Variants in SYBU observed in about 807,000 individuals in gnomAD.
The protein encoded by SYBU is GOLSYN A protein.
SYBU carries 21 observed loss-of-function variants against 35.9 expected under a neutral mutation model. The observed-to-expected ratio is 0.58, with a 90% CI of 0.41 to 0.84. The LOEUF (loss-of-function observed/expected upper bound fraction) is 0.84. Among genes scored for constraint, SYBU ranks in the 40% least tolerant of loss-of-function variants. The probability of loss-of-function intolerance (pLI) is 0.00; values close to 1 mark genes in which losing one functional copy is unlikely to be tolerated. For synonymous variants in SYBU, 319 were observed against 324.3 expected, an observed-to-expected ratio of 0.98 and a Z score of 0.18; for missense variants, 768 against 848.2, an observed-to-expected ratio of 0.91 and a Z score of 1.17.
At chr8:109,656,009 C>T (rs945371594) in intron 1 of SYBU, among the ~76,000 whole-genome samples, 7 of 151,870 alleles carry the variant, frequency 4.6e-5, no homozygotes, top group East Asian at 1.9e-4. Context: ...TCAGCTACTC[C>T]GGAGGCTGAG....
intron 3 of SYBU, among the ~76,000 whole-genome samples, chr8:109,596,119 G>GT (rs555045991): frequency 8.1e-4 from 124 of 152,280 alleles, no homozygotes; most frequent in African/African-American, 2.7e-3. Context: ...GACGTGTGAG[G>GT]TGAGGAAGTG....
rs766059531 is a variant in SYBU at position 109,575,643 on chromosome 8, G to T, written c.1255C>A (p.Gln419Lys). ...CTGTCAGCCCCTTCCCCCGTGACCT[G>T]CTCTTCCAGAGATAACCCATCTGCC... ...TMADGLSLEE[Q>K]VTGEGADREL... The change falls in exon 7 of 7, where the codon CAG becomes AAG. Residue 419 changes from glutamine (Q) to lysine (K), a missense_variant. Physicochemically the swap from Gln to Lys is moderately conservative, Grantham distance 53. Coordinates refer to ENST00000276646, the MANE Select transcript of SYBU (RefSeq NM_001099754.2). The T allele has an allele frequency of 1.2e-6, 2 of 1,614,064 alleles. No individual in the cohort carries two copies. The highest frequency in any genetic ancestry group is 8.5e-7 in the Non-Finnish European group (1 of 1,180,018).
intron 4 of SYBU, among the ~76,000 whole-genome samples, chr8:109,580,697 A>G (rs1222831778): frequency 6.6e-6 from 1 of 151,984 alleles, no homozygotes; most frequent in Non-Finnish European, 1.5e-5. Context: ...GCCTTTCAAA[A>G]TGGAATCTGA....
chr8:109,599,720 C>A (rs896177580), intron 3 of SYBU, among the ~76,000 whole-genome samples: 1 of 152,200 alleles, frequency 6.6e-6, no homozygotes, highest in Non-Finnish European at 1.5e-5. Flanking sequence ...CCACACTACT[C>A]CAGAGAAGAA....
chr8:109,650,290 T>G (rs1235599286), intron 1 of SYBU, among the ~76,000 whole-genome samples: 1 of 152,232 alleles, frequency 6.6e-6, no homozygotes, highest in East Asian at 1.9e-4. Context: ...ATAATGCACT[T>G]TATTTCCATG....
intron 3 of SYBU, 167 bp downstream of exon 3, chr8:109,618,675 T>C: frequency 3.1e-6 from 2 of 649,338 alleles, no homozygotes; most frequent in Non-Finnish European, 5.4e-6. Flanking sequence ...TTAAAAACCA[T>C]TTCAGAAAAT....
At chr8:109,610,213 A>G (rs923002734) in intron 3 of SYBU, among the ~76,000 whole-genome samples, 6 of 152,042 alleles carry the variant, frequency 3.9e-5, no homozygotes, top group African/African-American at 1.5e-4. Flanking sequence ...ACTTGTCACC[A>G]TCTGAACTTA....
intron 1 of SYBU, among the ~76,000 whole-genome samples, chr8:109,669,022 A>G (rs1586981745): frequency 1.3e-5 from 2 of 152,164 alleles, no homozygotes; most frequent in East Asian, 3.8e-4. Context: ...ATTTAGGTTT[A>G]TTTCTCTGAC....
At chr8:109,642,528 G>C (rs1174538496) in intron 2 of SYBU, among the ~76,000 whole-genome samples, 200 bp downstream of exon 2, 1 of 152,190 alleles carries the variant, frequency 6.6e-6, no homozygotes, top group Non-Finnish European at 1.5e-5. Flanking sequence ...GAAAATTCAG[G>C]TGTGAGATTC....
intron 3 of SYBU, among the ~76,000 whole-genome samples, chr8:109,607,705 T>C (rs1409466523): frequency 6.6e-6 from 1 of 152,034 alleles, no homozygotes; most frequent in African/African-American, 2.4e-5. Context: ...ATAACACATG[T>C]GTATATTTTT....
In SYBU at chr8:109,584,627, T is replaced by C. The variant is rs1417648626; in HGVS notation, c.530+1433A>G. Among the ~76,000 whole-genome samples the C allele has an allele frequency of 6.6e-6, 1 of 152,130 alleles. No individual in the cohort carries two copies. On this transcript the variant is annotated intron_variant, in intron 4 of 6. Transcript: ENST00000276646. The surrounding 1 kb of genome is among the most constrained non-coding windows in gnomAD (Gnocchi z 4.0). Reference sequence around the variant, plus strand: ...TGGGTGGGGGCTGGGGATAGAGCAATTGTGCTTTATTACTGCGGACTTCAC... The same window carrying C: ...TGGGTGGGGGCTGGGGATAGAGCAACTGTGCTTTATTACTGCGGACTTCAC...
At chr8:109,665,501 A>G (rs147560136) in intron 1 of SYBU, among the ~76,000 whole-genome samples, 2,047 of 152,364 alleles carry the variant, frequency 0.013, 53 homozygotes, top group African/African-American at 0.047. Flanking sequence ...TTGCTTTGCC[A>G]GTTTCTGAAA....
intron 1 of SYBU, among the ~76,000 whole-genome samples, chr8:109,673,002 G>C (rs1019448549): frequency 1.3e-5 from 2 of 152,232 alleles, no homozygotes; most frequent in African/African-American, 4.8e-5. Context: ...TCTGGACAGG[G>C]CATCTCTGAA....
At chr8:109,655,867 C>A (rs1397146352) in intron 1 of SYBU, among the ~76,000 whole-genome samples, 1 of 152,172 alleles carries the variant, frequency 6.6e-6, no homozygotes, top group Non-Finnish European at 1.5e-5. Flanking sequence ...GTAATCCCAG[C>A]ACTTTGGGAG....
In SYBU at chr8:109,602,140, A is replaced by T. The variant is rs539227418; in HGVS notation, c.428-15978T>A. Among the ~76,000 whole-genome samples the T allele has an allele frequency of 5.9e-5, 9 of 152,254 alleles. No homozygotes were observed. The South Asian group carries it at 1.9e-3, about 32-fold the overall frequency. On this transcript the variant is annotated intron_variant, in intron 3 of 6. Coordinates refer to ENST00000276646, the MANE Select transcript of SYBU (RefSeq NM_001099754.2). ...CTGTATGGGTTCAAAATCATTTGAC[A>T]CTCCAGATGGACAAAATGATTAAAA... is the stretch of plus-strand genomic sequence containing the variant.
At chr8:109,673,321 G>A (rs944563481) in intron 1 of SYBU, among the ~76,000 whole-genome samples, 13 of 152,180 alleles carry the variant, frequency 8.5e-5, no homozygotes, top group African/African-American at 3.1e-4. Flanking sequence ...CTGGGATGAA[G>A]CTCCCAGGGG....
intron 3 of SYBU, among the ~76,000 whole-genome samples, chr8:109,596,674 G>C (rs1298165555): frequency 6.6e-6 from 1 of 152,126 alleles, no homozygotes; most frequent in Non-Finnish European, 1.5e-5. Flanking sequence ...TATAGTTGTA[G>C]TGTGTTCATT....
chr8:109,649,586 T>C (rs914077687), upstream of SYBU, among the ~76,000 whole-genome samples: 6 of 152,098 alleles, frequency 3.9e-5, no homozygotes, highest in Admixed American at 3.9e-4. Flanking sequence ...AGGCAGAGGT[T>C]GGGGGCTTGG....
rs753796343 is a variant in SYBU at position 109,575,167 on chromosome 8, C to T, written c.1731G>A (p.Leu577=). 6.2e-7 allele frequency: 1 copy of T among 1,614,226 alleles called. No homozygotes were observed. The highest frequency in any genetic ancestry group is 8.5e-7 in the Non-Finnish European group (1 of 1,180,038). The change falls in exon 7 of 7, where the codon CTG becomes CTA. Residue 577 remains leucine, a synonymous_variant. Transcript: ENST00000276646. The part of the protein sequence containing the change: ...EVHANRLMRE[L]DFAACVEERL... ...TCTCTTCCACGCAGGCTGCAAAATC[C>T]AGCTCTCTCATGAGGCGGTTTGCAT...
Sources: allele counts gnomAD v4.1 joint callset (sites outside exome capture counted in the v4.1 genomes callset), GRCh38; gene constraint gnomAD v4.1.1; non-coding constraint Gnocchi (gnomAD v3.1); transcripts MANE v1.5; gene names NCBI Gene and HGNC (gene_info 2026-07-23, HGNC 2026-07-21).